Variants in CAMTA1 observed in about 807,000 individuals in gnomAD.
The protein encoded by CAMTA1 is calmodulin-binding transcription activator 1.
CAMTA1 carries 27 observed loss-of-function variants against 170.9 expected under a neutral mutation model. The observed-to-expected ratio is 0.16, with a 90% CI of 0.12 to 0.22. CAMTA1 has a LOEUF of 0.22. Ranked by LOEUF, CAMTA1 falls within the 10% of genes least tolerant of loss-of-function variation. The pLI is 1.00. For missense variants in CAMTA1, 1,619 were observed against 2,217.2 expected, an observed-to-expected ratio of 0.73 and a Z score of 5.42; for synonymous variants, 833 against 891.5, an observed-to-expected ratio of 0.93 and a Z score of 1.17.
At chr1:6,909,405 A>G (rs1679243275) in intron 3 of CAMTA1, among the ~76,000 whole-genome samples, 1 of 152,232 alleles carries the variant, frequency 6.6e-6, no homozygotes, top group Admixed American at 6.5e-5. Context: ...TGGCATCACG[A>G]GGGAGGTTGG....
intron 5 of CAMTA1, among the ~76,000 whole-genome samples, chr1:7,352,461 A>C (rs2084756652): frequency 6.6e-6 from 1 of 152,198 alleles, no homozygotes; most frequent in South Asian, 2.1e-4. Context: ...TTGTCGGGTT[A>C]TTAACGGAGA....
intron 4 of CAMTA1, among the ~76,000 whole-genome samples, chr1:7,174,437 A>C (rs952968486): frequency 3.9e-5 from 6 of 152,340 alleles, no homozygotes; most frequent in Admixed American, 2.6e-4. Flanking sequence ...ATAAAAATAC[A>C]CAAGGCCCTT....
chr1:6,834,695 T>G (rs1652124039), intron 3 of CAMTA1: 1 of 155,040 alleles, frequency 6.4e-6, no homozygotes, highest in African/African-American at 2.4e-5. Flanking sequence ...TGGAGTGTAG[T>G]GGCGCAATCA....
intron 4 of CAMTA1, among the ~76,000 whole-genome samples, chr1:7,203,933 G>A (rs1218281232): frequency 6.6e-6 from 1 of 150,824 alleles, no homozygotes; most frequent in African/African-American, 2.4e-5. Context: ...CCGGGTTCAT[G>A]CCATTCTCCT....
intron 11 of CAMTA1, among the ~76,000 whole-genome samples, chr1:7,715,165 G>C (rs1254844317): frequency 6.6e-6 from 1 of 152,152 alleles, no homozygotes; most frequent in East Asian, 1.9e-4. Flanking sequence ...GGGAAATAAA[G>C]AGGCCCGGGG....
chr1:6,794,573 A>G (rs1208963755), intron 1 of CAMTA1, among the ~76,000 whole-genome samples: 3 of 152,240 alleles, frequency 2.0e-5, no homozygotes, highest in African/African-American at 4.8e-5. Flanking sequence ...ATGTCCTTAC[A>G]GTTTTGTGCT....
At chr1:6,935,358 G>A (rs1249392813) in intron 3 of CAMTA1, among the ~76,000 whole-genome samples, 2 of 151,962 alleles carry the variant, frequency 1.3e-5, no homozygotes, top group African/African-American at 2.4e-5. Flanking sequence ...CAAAAGAGGC[G>A]AGTCCAGATT....
At chr1:7,291,558 C>A (rs939249923) in intron 5 of CAMTA1, among the ~76,000 whole-genome samples, 6 of 152,258 alleles carry the variant, frequency 3.9e-5, no homozygotes, top group African/African-American at 1.4e-4. Flanking sequence ...TGGGCCCTAG[C>A]GATGAATTAA....
intron 3 of CAMTA1, among the ~76,000 whole-genome samples, chr1:7,068,810 C>T (rs12093520): frequency 6.6e-6 from 1 of 152,134 alleles, no homozygotes; most frequent in Admixed American, 6.5e-5. Flanking sequence ...GCATGCTGGG[C>T]GTGAAAATCT....
Position 7,737,522 on chromosome 1 carries a change from T to C in CAMTA1, c.3610T>C (p.Ser1204Pro). Residue 1204 changes from serine to proline, a missense_variant, in exon 15 of 23, where the codon TCT becomes CCT. Ser to Pro is a moderately conservative substitution (Grantham distance 74). Transcript: ENST00000303635. ...CCAGTGGCACAGCGAAGCCATCAGC[T>C]CTCCAGAAATACCCAAGGGAGTCAC... ...MAQWHSEAIS[S>P]PEIPKGVTVI... 1 of 1,613,892 alleles carries C rather than the reference T, an allele frequency of 6.2e-7. No individual in the cohort carries two copies. The highest frequency in any genetic ancestry group is 8.5e-7 in the Non-Finnish European group (1 of 1,179,926).
At chr1:7,125,757 G>A (rs145487939) in intron 4 of CAMTA1, among the ~76,000 whole-genome samples, 58 of 152,296 alleles carry the variant, frequency 3.8e-4, no homozygotes, top group African/African-American at 1.4e-3. Flanking sequence ...ACAGGCCCCT[G>A]AGGGCCTCAT....
At chr1:7,724,838 G>T (rs77298923) in intron 11 of CAMTA1, among the ~76,000 whole-genome samples, 2 of 129,900 alleles carry the variant, frequency 1.5e-5, no homozygotes, top group African/African-American at 2.7e-5. Context: ...AAAAAAAAAA[G>T]ATCGCATGTA....
In CAMTA1 at chr1:7,665,117, C is replaced by T. The variant is rs754249658; in HGVS notation, c.2570C>T (p.Ala857Val). 6 of 1,524,738 alleles carry T rather than the reference C, an allele frequency of 3.9e-6. No homozygotes were observed. In the Admixed American group the frequency reaches 8.5e-5, roughly 22 times the overall value. 94.5% of individuals were successfully genotyped at this position (1,524,738 alleles called of 1,614,324 possible). Residue 857 changes from alanine (A) to valine (V), a missense_variant, in exon 9 of 23, where the codon GCC (alanine) becomes GTC (valine). This residue lies in a region of CAMTA1 where 731 missense variants were observed against 907.6 expected (regional missense o/e 0.81). Coordinates refer to ENST00000303635, the MANE Select transcript of CAMTA1 (RefSeq NM_015215.4). This position sits in a 1 kb window ranked among gnomAD's most constrained non-coding sequence, Gnocchi z 4.3. The stretch of plus-strand genomic sequence containing the variant: ...GCCGAGGTGGTCTCGGCCGCCTCGG[C>T]CCAGGGCACCCTAGGCATGCTGCAG... The part of the protein sequence containing the change: ...HVAEVVSAAS[A>V]QGTLGMLQQS...
At chr1:6,822,638 G>A (rs1646623720) in intron 2 of CAMTA1, among the ~76,000 whole-genome samples, 1 of 152,140 alleles carries the variant, frequency 6.6e-6, no homozygotes, top group Non-Finnish European at 1.5e-5. Flanking sequence ...TCCGTGTAAA[G>A]TGTAATGTTT....
rs145052539 is a variant in CAMTA1, at chr1:7,486,569, G to A, written c.510+18668G>A. Among the ~76,000 whole-genome samples the A allele has an allele frequency of 7.8e-3, 1,194 of 152,270 alleles. 19 individuals are homozygous for A. The highest frequency in any genetic ancestry group is 0.026 in the African/African-American group (1,089 of 41,528). On this transcript the variant is annotated intron_variant, in intron 6 of 22. Coordinates refer to ENST00000303635, the MANE Select transcript of CAMTA1 (RefSeq NM_015215.4). ...ATGGAGACTTCCAAGGCTGACGGGG[G>A]CCTGCTTTAGGCCTCTGAGACCTGA...
intron 3 of CAMTA1, among the ~76,000 whole-genome samples, chr1:6,846,182 C>G (rs567141570): frequency 8.5e-5 from 13 of 152,340 alleles, no homozygotes; most frequent in African/African-American, 3.1e-4. Context: ...ATATAAGATA[C>G]ATTTTCTCAC....
rs529730365 is a variant in CAMTA1 at position 7,566,039 on chromosome 1, T to C, written c.511-74361T>C. ...GAACCTTAATTACCTTCTAAAGCTG[T>C]ATCTCTGATTACGGTCACACTGGGG... On this transcript the variant is annotated intron_variant, in intron 6 of 22. Coordinates refer to ENST00000303635, the MANE Select transcript of CAMTA1 (RefSeq NM_015215.4). 1.2e-4 allele frequency among the ~76,000 whole-genome samples: 18 copies of C among 152,350 alleles called. No individual in the cohort carries two copies. The South Asian group carries it at 2.7e-3, about 23-fold the overall frequency.
chr1:6,988,738 T>A (rs1336117274), intron 3 of CAMTA1, among the ~76,000 whole-genome samples: 1 of 152,118 alleles, frequency 6.6e-6, no homozygotes, highest in Non-Finnish European at 1.5e-5. Context: ...CAAACCTCAT[T>A]CCCCCTCTCC....
rs771378439 is a variant in CAMTA1, at chr1:7,663,793, G to T, written c.1246G>T (p.Ala416Ser). Reference sequence around the variant, plus strand: ...GGCCGTGTACACCATGTCCCCCACCGCTGGCCCCAACCACCACCTCCTCTC... The same window carrying T: ...GGCCGTGTACACCATGTCCCCCACCTCTGGCCCCAACCACCACCTCCTCTC... ...NEAVYTMSPT[A>S]GPNHHLLSPD... The change falls in exon 9 of 23, where the codon GCT becomes TCT. Residue 416 changes from alanine (A) to serine (S), a missense_variant. Around this residue, in one of 8 missense-constraint regions of CAMTA1, gnomAD observed 731 missense variants for 907.6 expected, o/e 0.81. Transcript: ENST00000303635. The T allele has an allele frequency of 6.2e-7, 1 of 1,614,080 alleles. No individual in the cohort carries two copies. The highest frequency in any genetic ancestry group is 8.5e-7 in the Non-Finnish European group (1 of 1,180,020).
Sources: allele counts gnomAD v4.1 joint callset (sites outside exome capture counted in the v4.1 genomes callset), GRCh38; gene constraint gnomAD v4.1.1; regional missense constraint gnomAD v4.1.1; non-coding constraint Gnocchi (gnomAD v3.1); transcripts MANE v1.5; gene names NCBI Gene and HGNC (gene_info 2026-07-23, HGNC 2026-07-21).